CRADD: variants seen among roughly 807,000 people sequenced by gnomAD.
CRADD encodes CARD and death domain containing adaptor protein.
In CRADD, 9 loss-of-function variants were observed where a neutral mutation model predicts 15.5. That is an observed-to-expected ratio of 0.58 (90% CI 0.35 to 1.01). CRADD has a LOEUF of 1.01. CRADD is among the 50% of genes least tolerant of loss of function. The pLI is 0.02. For missense variants in CRADD, 227 were observed against 250.3 expected (o/e 0.91, Z 0.63); for synonymous variants, 118 against 107.6 (o/e 1.10, Z -0.60).
intron 2 of CRADD, among the ~76,000 whole-genome samples, chr12:93,860,597 CAG>C (rs1385812963): frequency 4.6e-5 from 7 of 152,056 alleles, no homozygotes; most frequent in African/African-American, 1.7e-4. Context: ...AAGAAGGTGA[CAG>C]GAGTAAAAAC....
intron 2 of CRADD, among the ~76,000 whole-genome samples, chr12:93,687,338 T>A (rs1030166534): frequency 7.2e-5 from 11 of 152,218 alleles, no homozygotes; most frequent in African/African-American, 2.4e-4. Flanking sequence ...CATCAGACAC[T>A]GTATTGAACA....
intron 2 of CRADD, among the ~76,000 whole-genome samples, chr12:93,720,392 T>G (rs912486564): frequency 4.6e-5 from 7 of 152,154 alleles, no homozygotes; most frequent in Non-Finnish European, 1.0e-4. Flanking sequence ...GAGAAAAATG[T>G]GTAATCTGCT....
At position 93,725,615 on chromosome 12, in the gene CRADD, T is replaced by G. The variant is rs542846810; in HGVS notation, c.298+46543T>G. Among the ~76,000 whole-genome samples, 49 of 152,312 alleles carry G rather than the reference T, an allele frequency of 3.2e-4. 1 individual carries two copies. The highest frequency in any genetic ancestry group is 6.5e-4 in the Non-Finnish European group (44 of 68,016). On this transcript the variant is annotated intron_variant, in intron 2 of 2. Transcript: ENST00000332896. ...AAAAAGCTGGGAATATATAAGAGAT[T>G]CAGATTTTGCTGAAGCAGAGAATTT... is the stretch of plus-strand genomic sequence containing the variant.
chr12:93,677,742 C>T (rs1407321819), intron 1 of CRADD: 1 of 152,310 alleles, frequency 6.6e-6, no homozygotes. Flanking sequence ...CGAAGCAGAG[C>T]CTTTTTAAAT....
chr12:93,688,257 G>C (rs554951574), intron 2 of CRADD, among the ~76,000 whole-genome samples: 1 of 152,258 alleles, frequency 6.6e-6, no homozygotes, highest in African/African-American at 2.4e-5. Context: ...AATTCCAACA[G>C]TTTGGGAGAC....
At chr12:93,704,703 A>G (rs1051123100) in intron 2 of CRADD, among the ~76,000 whole-genome samples, 1 of 152,206 alleles carries the variant, frequency 6.6e-6, no homozygotes, top group African/African-American at 2.4e-5. Flanking sequence ...TGCACTGAGA[A>G]TCAGAGCTCC....
At chr12:93,819,716 G>A (rs572397369) in intron 2 of CRADD, among the ~76,000 whole-genome samples, 4 of 152,276 alleles carry the variant, frequency 2.6e-5, no homozygotes, top group Admixed American at 6.5e-5. Flanking sequence ...GTTACTTGGT[G>A]TGCGTAAGAG....
chr12:93,745,793 A>G (rs1415003943), intron 2 of CRADD, among the ~76,000 whole-genome samples: 2 of 152,216 alleles, frequency 1.3e-5, no homozygotes, highest in South Asian at 2.1e-4. Flanking sequence ...TAATTAACCA[A>G]GTGGAATGAT....
intron 2 of CRADD, among the ~76,000 whole-genome samples, chr12:93,874,576 A>C (rs1958446048): frequency 6.6e-6 from 1 of 151,954 alleles, no homozygotes; most frequent in African/African-American, 2.4e-5. Flanking sequence ...TTATAGCTGT[A>C]AGTTTCCCTC....
chr12:93,832,390 T>C (rs1957916963), intron 2 of CRADD, among the ~76,000 whole-genome samples: 1 of 152,190 alleles, frequency 6.6e-6, no homozygotes, highest in Non-Finnish European at 1.5e-5. Context: ...ATGAAAGAAA[T>C]ATGCTTTTGA....
chr12:93,785,990 T>C (rs2136978298), intron 2 of CRADD, among the ~76,000 whole-genome samples: 1 of 152,322 alleles, frequency 6.6e-6, no homozygotes, highest in Middle Eastern at 3.4e-3. Flanking sequence ...GTTTGGTTTT[T>C]CCTTTAAAAG....
chr12:93,850,242 C>T lies in CRADD; in HGVS notation c.571C>T (p.Pro191Ser). 1 of 1,606,122 alleles carries T rather than the reference C, an allele frequency of 6.2e-7. No individual in the cohort carries two copies. Among genetic ancestry groups the T allele is most frequent in the Non-Finnish European group, 8.5e-7 (1 of 1,175,948 alleles). Residue 191 changes from proline to serine, a missense_variant, in exon 3 of 3, where the codon CCC (proline) becomes TCC (serine). Transcript: ENST00000332896. This position sits in a 1 kb window ranked among gnomAD's most constrained non-coding sequence, Gnocchi z 4.0. ...HNGLRAVEVD[P>S]SLLLHMLE ...CGGGCTGCGGGCTGTGGAGGTGGAC[C>T]CCTCGCTGCTCCTGCACATGTTGGA...
chr12:93,854,737 C>A (rs558834634), downstream of CRADD, among the ~76,000 whole-genome samples: 1 of 152,312 alleles, frequency 6.6e-6, no homozygotes, highest in South Asian at 2.1e-4. Context: ...GCTCCTTCCA[C>A]CTGCTCACTA....
At chr12:93,780,783 C>T (rs898379636) in intron 2 of CRADD, among the ~76,000 whole-genome samples, 5 of 151,658 alleles carry the variant, frequency 3.3e-5, no homozygotes, top group Non-Finnish European at 5.9e-5. Context: ...TTCTGTTGCC[C>T]AGGCTGGAGT....
chr12:93,864,922 G>C (rs899965997), intron 2 of CRADD, among the ~76,000 whole-genome samples: 1 of 152,226 alleles, frequency 6.6e-6, no homozygotes, highest in Non-Finnish European at 1.5e-5. Flanking sequence ...GAGGCAATGA[G>C]AGAGTATTTG....
intron 2 of CRADD, among the ~76,000 whole-genome samples, chr12:93,689,541 G>A (rs1347669805): frequency 6.6e-6 from 1 of 152,234 alleles, no homozygotes; most frequent in East Asian, 1.9e-4. Flanking sequence ...TTTGGGGCAG[G>A]TTTTACTCCT....
At chr12:93,820,590 A>T (rs1171671415) in intron 2 of CRADD, among the ~76,000 whole-genome samples, 1 of 151,726 alleles carries the variant, frequency 6.6e-6, no homozygotes, top group Non-Finnish European at 1.5e-5. Flanking sequence ...CCCTCTGAGA[A>T]GACGCATCAC....
At chr12:93,873,262 C>G (rs189001134) in intron 2 of CRADD, among the ~76,000 whole-genome samples, 414 of 152,118 alleles carry the variant, frequency 2.7e-3, no homozygotes, top group Non-Finnish European at 5.0e-3. Context: ...GATTTTGTAT[C>G]CTGTAACTTT....
At chr12:93,801,701 T>TA (rs1200741716) in intron 2 of CRADD, among the ~76,000 whole-genome samples, 2 of 152,176 alleles carry the variant, frequency 1.3e-5, no homozygotes, top group Admixed American at 6.5e-5. Context: ...GCCTGGCCTT[T>TA]AAAAAATGTT....
Sources: allele counts gnomAD v4.1 joint callset (sites outside exome capture counted in the v4.1 genomes callset), GRCh38; gene constraint gnomAD v4.1.1; non-coding constraint Gnocchi (gnomAD v3.1); transcripts MANE v1.5; gene names NCBI Gene and HGNC (gene_info 2026-07-23, HGNC 2026-07-21).